Variants in TAFA2 observed in about 807,000 individuals in gnomAD.
TAFA2 encodes chemokine-like protein TAFA-2.
In TAFA2, 7 loss-of-function variants were observed where a neutral mutation model predicts 18.8. The observed-to-expected ratio is 0.37, with a 90% CI of 0.21 to 0.70. TAFA2 has a LOEUF of 0.70. Ranked by LOEUF, TAFA2 falls within the 30% of genes least tolerant of loss-of-function variation. TAFA2 has a pLI of 0.53. For missense variants in TAFA2, 122 were observed against 158.1 expected (o/e 0.77, Z 1.23); for synonymous variants, 60 against 54.2 (o/e 1.11, Z -0.47).
At chr12:61,767,663 T>G (rs1293487813) in intron 2 of TAFA2, among the ~76,000 whole-genome samples, 1 of 152,074 alleles carries the variant, frequency 6.6e-6, no homozygotes, top group East Asian at 1.9e-4. Flanking sequence ...CAAATTTAGG[T>G]TATCTTTTCT....
intron 1 of TAFA2, among the ~76,000 whole-genome samples, chr12:61,891,429 C>G (rs979714282): frequency 6.6e-6 from 1 of 152,084 alleles, no homozygotes; most frequent in Non-Finnish European, 1.5e-5. Flanking sequence ...GGCGGATCCC[C>G]TGAAGTCAGG....
chr12:61,724,485 C>T (rs555443076), intron 4 of TAFA2, among the ~76,000 whole-genome samples: 3 of 151,518 alleles, frequency 2.0e-5, no homozygotes, highest in South Asian at 2.1e-4. Flanking sequence ...TACACTCATC[C>T]CCTGAAGAGT....
intron 2 of TAFA2, among the ~76,000 whole-genome samples, chr12:61,779,944 C>T (rs1870433396): frequency 6.6e-6 from 1 of 151,674 alleles, no homozygotes; most frequent in Admixed American, 6.6e-5. Context: ...AGACTGCAGC[C>T]AGATGCTACA....
At chr12:61,851,973 C>T (rs1441698767) in intron 2 of TAFA2, among the ~76,000 whole-genome samples, 2 of 151,468 alleles carry the variant, frequency 1.3e-5, no homozygotes, top group African/African-American at 2.4e-5. Context: ...TTTGGGAGGC[C>T]GAGGGGGGCA....
chr12:61,915,683 G>C lies in TAFA2; in HGVS notation c.-1-48257C>G, dbSNP rs966158567. 2.0e-5 allele frequency among the ~76,000 whole-genome samples: 3 copies of C among 152,160 alleles called. No homozygotes were observed. In the East Asian group the frequency reaches 5.8e-4, roughly 29 times the overall value. On this transcript the variant is annotated intron_variant, in intron 1 of 4. Transcript: ENST00000416284. ...GCCAAAGGTCTGAGAACTGTGAGAG[G>C]GGAAGTTTAAGTCCCAGACTCCGAA...
At chr12:61,740,713 A>G (rs993843708) in intron 4 of TAFA2, among the ~76,000 whole-genome samples, 55 of 152,134 alleles carry the variant, frequency 3.6e-4, no homozygotes, top group African/African-American at 1.3e-3. Flanking sequence ...TGCAAAAAAA[A>G]AGTTTGTCAC....
At chr12:62,255,782 A>G (rs2062935486) in intron 1 of TAFA2, among the ~76,000 whole-genome samples, 1 of 152,134 alleles carries the variant, frequency 6.6e-6, no homozygotes, top group African/African-American at 2.4e-5. Flanking sequence ...TGAACTTGAG[A>G]GGCGAAGGTT....
intron 1 of TAFA2, among the ~76,000 whole-genome samples, chr12:61,983,070 A>G (rs950205579): frequency 3.3e-5 from 5 of 152,162 alleles, no homozygotes; most frequent in African/African-American, 1.2e-4. Context: ...TGGGCATAGT[A>G]GGAAATAAAA....
intron 1 of TAFA2, among the ~76,000 whole-genome samples, chr12:62,083,595 A>G (rs1238610153): frequency 2.0e-5 from 3 of 152,228 alleles, no homozygotes; most frequent in Non-Finnish European, 4.4e-5. Context: ...GCAAACCCAA[A>G]CCACATTTGA....
chr12:62,047,360 C>G (rs1343860033), intron 1 of TAFA2, among the ~76,000 whole-genome samples: 1 of 152,044 alleles, frequency 6.6e-6, no homozygotes, highest in African/African-American at 2.4e-5. Context: ...AATATAAGAG[C>G]ACAACTTATG....
chr12:62,081,869 G>T (rs1356610823), intron 1 of TAFA2, among the ~76,000 whole-genome samples: 1 of 152,056 alleles, frequency 6.6e-6, no homozygotes, highest in Admixed American at 6.6e-5. Flanking sequence ...ATGGTGGTTT[G>T]CTGCACAGAT....
In TAFA2 at chr12:62,098,899, T is replaced by C. The variant is rs547875852; in HGVS notation, c.-2+92360A>G. Reference sequence around the variant, plus strand: ...CCAGATTTAGTTCTAGCAGCAGAAATTAAAGCCTAATTAGACACCTGTGGG... The same window carrying C: ...CCAGATTTAGTTCTAGCAGCAGAAACTAAAGCCTAATTAGACACCTGTGGG... On this transcript the variant is annotated intron_variant, in intron 1 of 4. Coordinates refer to ENST00000416284, the MANE Select transcript of TAFA2 (RefSeq NM_178539.5). Among the ~76,000 whole-genome samples, 3 of 152,278 alleles carry C rather than the reference T, an allele frequency of 2.0e-5. 1 individual carries two copies. In the South Asian group the frequency reaches 6.2e-4, roughly 32 times the overall value.
intron 1 of TAFA2, among the ~76,000 whole-genome samples, chr12:61,994,080 T>C (rs1312112184): frequency 6.6e-6 from 1 of 152,188 alleles, no homozygotes; most frequent in Non-Finnish European, 1.5e-5. Context: ...AGATATTCTA[T>C]GCACATGACA....
intron 1 of TAFA2, among the ~76,000 whole-genome samples, chr12:62,058,835 G>A (rs937310370): frequency 6.6e-6 from 1 of 152,192 alleles, no homozygotes; most frequent in African/African-American, 2.4e-5. Context: ...CGGGTGCAAT[G>A]GCTCACGCCT....
At chr12:61,924,704 C>G (rs575692971) in intron 1 of TAFA2, among the ~76,000 whole-genome samples, 2 of 152,236 alleles carry the variant, frequency 1.3e-5, no homozygotes, top group East Asian at 1.9e-4. Context: ...TAACCAGCTA[C>G]CATCATAATG....
chr12:62,098,271 T>C (rs1056504155), intron 1 of TAFA2, among the ~76,000 whole-genome samples: 2 of 151,988 alleles, frequency 1.3e-5, no homozygotes, highest in Admixed American at 1.3e-4. Flanking sequence ...GATTCAAGAG[T>C]GAGTGGCTGA....
At chr12:62,032,842 TA>T (rs947024158) in intron 1 of TAFA2, among the ~76,000 whole-genome samples, 11 of 152,108 alleles carry the variant, frequency 7.2e-5, no homozygotes, top group Non-Finnish European at 1.3e-4. Context: ...TCTACTTATC[TA>T]AAAAAACTAA....
At chr12:61,932,892 T>G (rs1877619678) in intron 1 of TAFA2, among the ~76,000 whole-genome samples, 1 of 152,150 alleles carries the variant, frequency 6.6e-6, no homozygotes, top group African/African-American at 2.4e-5. Context: ...GTTAGGAAGA[T>G]CCATTGGAAA....
chr12:62,071,957 C>T (rs1882641709), intron 1 of TAFA2, among the ~76,000 whole-genome samples: 1 of 152,140 alleles, frequency 6.6e-6, no homozygotes, highest in Admixed American at 6.5e-5. Context: ...CTTCACTGCA[C>T]TAATATTTAT....
Sources: gnomAD v4.1 joint callset for allele counts (sites outside exome capture counted in the v4.1 genomes callset) on GRCh38, gnomAD v4.1.1 for gene constraint, MANE v1.5 for transcripts, NCBI Gene and HGNC (gene_info 2026-07-23, HGNC 2026-07-21) for gene names.